CAMKMT: variants seen among roughly 807,000 people sequenced by gnomAD.
CAMKMT encodes the protein CaM KMT.
Under a neutral mutation model 48.0 loss-of-function variants are expected in CAMKMT, and 53 were observed. That is an observed-to-expected ratio of 1.10 (90% CI 0.89 to 1.39). CAMKMT has a LOEUF of 1.39. CAMKMT is among the 40% of genes most tolerant of loss of function. CAMKMT has a pLI of 0.00. For synonymous variants in CAMKMT, 165 were observed against 152.3 expected (o/e 1.08, Z -0.61); for missense variants, 428 against 402.7 (o/e 1.06, Z -0.54).
intron 3 of CAMKMT, among the ~76,000 whole-genome samples, chr2:44,429,587 G>A (rs1684511510): frequency 6.6e-6 from 1 of 151,932 alleles, no homozygotes; most frequent in South Asian, 2.1e-4. Context: ...AAAGAATAAG[G>A]TCAGGAGATC....
chr2:44,506,388 C>A (rs1045490766), intron 3 of CAMKMT, among the ~76,000 whole-genome samples: 1 of 152,096 alleles, frequency 6.6e-6, no homozygotes, highest in Non-Finnish European at 1.5e-5. Context: ...AGGGATGATT[C>A]TCTTCCTTGC....
chr2:44,411,087 T>C (rs1295987337), intron 3 of CAMKMT, among the ~76,000 whole-genome samples: 1 of 152,230 alleles, frequency 6.6e-6, no homozygotes, highest in Non-Finnish European at 1.5e-5. Context: ...TTCCTACTTG[T>C]AGAATTTCTA....
At chr2:44,415,374 G>T (rs1683484559) in intron 3 of CAMKMT, among the ~76,000 whole-genome samples, 1 of 152,182 alleles carries the variant, frequency 6.6e-6, no homozygotes, top group Non-Finnish European at 1.5e-5. Flanking sequence ...TGTTTGCTTT[G>T]CAAGACAGCC....
rs912266361 is a variant in CAMKMT, at chr2:44,653,120, G to A, written c.377-51163G>A. On this transcript the variant is annotated intron_variant, in intron 3 of 10. Coordinates refer to ENST00000378494, the MANE Select transcript of CAMKMT (RefSeq NM_024766.5). This position sits in a 1 kb window ranked among gnomAD's most constrained non-coding sequence, Gnocchi z 5.2. ...CAGGACACATTGGCTAGTTTCTAAC[G>A]TACAGTCTTGTGCTTGTTGATCCTG... 7.2e-5 allele frequency among the ~76,000 whole-genome samples: 11 copies of A among 152,144 alleles called. 1 individual carries two copies. The South Asian group carries it at 1.0e-3, about 14-fold the overall frequency.
chr2:44,602,056 A>T (rs568458007), intron 3 of CAMKMT, among the ~76,000 whole-genome samples: 1 of 151,896 alleles, frequency 6.6e-6, no homozygotes, highest in East Asian at 1.9e-4. Flanking sequence ...CCCAGGCTGG[A>T]GTGTAGTGGT....
chr2:44,606,280 A>G lies in CAMKMT; in HGVS notation c.377-98003A>G, dbSNP rs141703406. Among the ~76,000 whole-genome samples the G allele has an allele frequency of 7.9e-5, 12 of 152,360 alleles. No homozygotes were observed. In the East Asian group the frequency reaches 2.3e-3, roughly 29 times the overall value. On this transcript the variant is annotated intron_variant, in intron 3 of 10. Transcript: ENST00000378494. ...GGAAAAGAAAACAGCTCATGAGGAA[A>G]TTAAGTGATAATATATGATCATTCA...
At chr2:44,637,338 A>G (rs923393888) in intron 3 of CAMKMT, among the ~76,000 whole-genome samples, 2 of 152,242 alleles carry the variant, frequency 1.3e-5, no homozygotes. Context: ...GTGCAGATAA[A>G]CACCAGATTA....
In CAMKMT at chr2:44,696,195, A is replaced by G. The variant is rs149897333; in HGVS notation, c.377-8088A>G. Among the ~76,000 whole-genome samples, 25 of 152,294 alleles carry G rather than the reference A, an allele frequency of 1.6e-4. 1 individual carries two copies. The highest frequency in any genetic ancestry group is 6.0e-4 in the African/African-American group (25 of 41,572). ...TGACCTTAAGTGATCTGCCCGCCTC[A>G]GCCTCCCAAAGTGCTGGGATTACAG... On this transcript the variant is annotated intron_variant, in intron 3 of 10. Transcript: ENST00000378494.
chr2:44,523,002 T>C (rs1671199617), intron 3 of CAMKMT, among the ~76,000 whole-genome samples: 1 of 152,208 alleles, frequency 6.6e-6, no homozygotes. Flanking sequence ...GTAACATCTT[T>C]GTTACATTTT....
chr2:44,743,833 A>T (rs1679807264), intron 8 of CAMKMT, 137 bp downstream of exon 8: 2 of 594,668 alleles, frequency 3.4e-6, no homozygotes, highest in Non-Finnish European at 3.0e-6. Context: ...ACAAATTAAT[A>T]TTCATCTCCA....
chr2:44,626,710 C>A (rs1225033164), intron 3 of CAMKMT, among the ~76,000 whole-genome samples: 1 of 152,092 alleles, frequency 6.6e-6, no homozygotes, highest in Non-Finnish European at 1.5e-5. Context: ...TTAATCACCT[C>A]CTAAAGGCCA....
intron 3 of CAMKMT, among the ~76,000 whole-genome samples, chr2:44,427,627 A>T (rs1042098367): frequency 6.6e-6 from 1 of 152,208 alleles, no homozygotes; most frequent in Non-Finnish European, 1.5e-5. Context: ...CAATATACTC[A>T]TGTCACAAAC....
chr2:44,407,850 G>T (rs1682888530), intron 3 of CAMKMT, among the ~76,000 whole-genome samples: 1 of 152,034 alleles, frequency 6.6e-6, no homozygotes, highest in Non-Finnish European at 1.5e-5. Context: ...CATTCATTCA[G>T]TTAGTCAGTC....
intron 3 of CAMKMT, among the ~76,000 whole-genome samples, chr2:44,534,524 C>T (rs1323654591): frequency 6.6e-6 from 1 of 152,030 alleles, no homozygotes; most frequent in Non-Finnish European, 1.5e-5. Flanking sequence ...GAATAGCAAT[C>T]CTATCAGTAT....
At chr2:44,519,215 C>T (rs1352078896) in intron 3 of CAMKMT, among the ~76,000 whole-genome samples, 1 of 152,196 alleles carries the variant, frequency 6.6e-6, no homozygotes. Context: ...GTTCCAGACT[C>T]ATGGTGAAAT....
intron 9 of CAMKMT, among the ~76,000 whole-genome samples, chr2:44,757,099 G>A (rs1232700609): frequency 6.6e-6 from 1 of 152,204 alleles, no homozygotes; most frequent in Non-Finnish European, 1.5e-5. Flanking sequence ...CTTGATCTGT[G>A]CCTGGCTTAC....
intron 3 of CAMKMT, among the ~76,000 whole-genome samples, chr2:44,604,498 A>G (rs187628566): frequency 1.7e-3 from 257 of 151,608 alleles, no homozygotes; most frequent in Non-Finnish European, 2.1e-3. Flanking sequence ...TTTTCAACAT[A>G]TTGGAGGAAA....
chr2:44,586,120 T>C (rs1669844599), intron 3 of CAMKMT, among the ~76,000 whole-genome samples: 1 of 152,226 alleles, frequency 6.6e-6, no homozygotes, highest in Non-Finnish European at 1.5e-5. Flanking sequence ...TTGCCTATTC[T>C]GTTTGGAAAC....
intron 3 of CAMKMT, among the ~76,000 whole-genome samples, chr2:44,652,776 G>A (rs951055803): frequency 2.0e-5 from 3 of 152,138 alleles, no homozygotes; most frequent in African/African-American, 4.8e-5. Context: ...CCGTATCTCC[G>A]AAATAAAGAC....
Sources: gnomAD v4.1 joint callset for allele counts (sites outside exome capture counted in the v4.1 genomes callset) on GRCh38, gnomAD v4.1.1 for gene constraint, Gnocchi (gnomAD v3.1) non-coding constraint, MANE v1.5 for transcripts, NCBI Gene and HGNC (gene_info 2026-07-23, HGNC 2026-07-21) for gene names.